The following FAF1 variants were observed in gnomAD, a reference collection of about 807,000 sequenced individuals.
FAF1 encodes FAS-associated factor 1.
A neutral mutation model predicts 92.5 loss-of-function variants in FAF1; 25 were observed. That is an observed-to-expected ratio of 0.27 (90% CI 0.20 to 0.38). The LOEUF (loss-of-function observed/expected upper bound fraction) is 0.38, where lower values mean the gene tolerates loss of function less well. Ranked by LOEUF, FAF1 falls within the 10% of genes least tolerant of loss-of-function variation. FAF1 has a pLI of 1.00. For synonymous variants in FAF1, 234 were observed against 273.2 expected, an observed-to-expected ratio of 0.86 and a Z score of 1.42; for missense variants, 636 against 793.3, an observed-to-expected ratio of 0.80 and a Z score of 2.38.
chr1:50,771,472 CT>C (rs1346172154), intron 4 of FAF1, among the ~76,000 whole-genome samples: 1 of 152,170 alleles, frequency 6.6e-6, no homozygotes, highest in Non-Finnish European at 1.5e-5. Context: ...CGATCAGATA[CT>C]TTTTGAAAGA....
intron 1 of FAF1, among the ~76,000 whole-genome samples, chr1:50,897,038 T>C (rs536138124): frequency 6.6e-6 from 1 of 152,278 alleles, no homozygotes; most frequent in South Asian, 2.1e-4. Flanking sequence ...TTTCAACACA[T>C]TTCAACACAA....
intron 7 of FAF1, among the ~76,000 whole-genome samples, chr1:50,672,703 ATACT>A (rs1374157870): frequency 2.6e-5 from 4 of 152,248 alleles, no homozygotes; most frequent in African/African-American, 7.2e-5. Context: ...GATAAACTAG[ATACT>A]TACATGCTTC....
At chr1:50,481,524 A>G (rs901453693) in intron 17 of FAF1, among the ~76,000 whole-genome samples, 1 of 152,242 alleles carries the variant, frequency 6.6e-6, no homozygotes, top group African/African-American at 2.4e-5. Context: ...GTTATACCAT[A>G]TAATAGCCTA....
chr1:50,678,598 G>A (rs1026430610), intron 7 of FAF1, among the ~76,000 whole-genome samples: 4 of 151,488 alleles, frequency 2.6e-5, no homozygotes, highest in African/African-American at 7.3e-5. Flanking sequence ...TGGCCAACAC[G>A]GTGAAACCCC....
At chr1:50,949,936 C>T (rs912400963) in intron 1 of FAF1, among the ~76,000 whole-genome samples, 17 of 152,100 alleles carry the variant, frequency 1.1e-4, no homozygotes, top group Non-Finnish European at 2.5e-4. Flanking sequence ...ATCATATCCT[C>T]TTACCTCAGC....
chr1:50,504,802 T>G (rs1473899039), intron 15 of FAF1, among the ~76,000 whole-genome samples: 1 of 152,214 alleles, frequency 6.6e-6, no homozygotes, highest in African/African-American at 2.4e-5. Flanking sequence ...ATGACTAGGT[T>G]ATAGTAATAG....
Position 50,514,929 on chromosome 1 carries a change from T to C in FAF1, c.1494+20440A>G, listed in dbSNP as rs1419587303. On this transcript the variant is annotated intron_variant, in intron 15 of 18. Transcript: ENST00000396153. ...GAGCCTGTACATTTTTCAAGAACGA[T>C]GCCTCAGTTTAGATCCGGTCATCAC... Among the ~76,000 whole-genome samples the C allele has an allele frequency of 2.0e-5, 3 of 152,170 alleles. No homozygotes were observed. The East Asian group carries it at 5.8e-4, about 29-fold the overall frequency.
At chr1:50,846,025 G>A (rs1223048704) in intron 2 of FAF1, among the ~76,000 whole-genome samples, 1 of 152,058 alleles carries the variant, frequency 6.6e-6, no homozygotes, top group Non-Finnish European at 1.5e-5. Context: ...TCAGGAGGCT[G>A]AGGTAGGAGA....
At chr1:50,534,159 A>C (rs1279547433) in intron 15 of FAF1, among the ~76,000 whole-genome samples, 1 of 152,154 alleles carries the variant, frequency 6.6e-6, no homozygotes, top group Admixed American at 6.5e-5. Flanking sequence ...CCTCTCTATT[A>C]GGCCACCAAG....
chr1:50,848,015 GAAGA>G (rs1224457689), intron 2 of FAF1, among the ~76,000 whole-genome samples: 1 of 151,906 alleles, frequency 6.6e-6, no homozygotes, highest in East Asian at 1.9e-4. Context: ...TTTCAAAAAT[GAAGA>G]AATAAAAACT....
At chr1:50,743,771 G>A (rs548847138) in intron 5 of FAF1, among the ~76,000 whole-genome samples, 1 of 151,390 alleles carries the variant, frequency 6.6e-6, no homozygotes, top group African/African-American at 2.4e-5. Flanking sequence ...ACTCTCTCTG[G>A]AAGAAAAAAA....
chr1:50,554,382 T>TAGAGAGAGAG (rs541317145), intron 13 of FAF1, among the ~76,000 whole-genome samples: 2 of 99,044 alleles, frequency 2.0e-5, no homozygotes, highest in African/African-American at 9.8e-5. Context: ...TATATATATA[T>TAGAGAGAGAG]ATATATATAG....
At chr1:50,682,321 G>C (rs1406404335) in intron 7 of FAF1, among the ~76,000 whole-genome samples, 1 of 151,912 alleles carries the variant, frequency 6.6e-6, no homozygotes, top group Non-Finnish European at 1.5e-5. Flanking sequence ...GCAACACAGG[G>C]AGACCCTGTC....
chr1:50,662,576 C>A (rs770755302), intron 7 of FAF1, among the ~76,000 whole-genome samples: 4 of 150,778 alleles, frequency 2.7e-5, no homozygotes, highest in Non-Finnish European at 5.9e-5. Context: ...TTGATAATTT[C>A]CTATACTAAA....
At chr1:50,475,245 C>G (rs1466193732) in intron 18 of FAF1, among the ~76,000 whole-genome samples, 2 of 152,124 alleles carry the variant, frequency 1.3e-5, no homozygotes, top group Non-Finnish European at 2.9e-5. Context: ...GATCTAGTAC[C>G]TAATTTCTTA....
At chr1:50,458,642 C>T (rs1057501557) in intron 18 of FAF1, among the ~76,000 whole-genome samples, 4 of 152,190 alleles carry the variant, frequency 2.6e-5, no homozygotes, top group Non-Finnish European at 5.9e-5. Flanking sequence ...TCTGGTCAGA[C>T]GCATACAATG....
chr1:50,713,763 A>G (rs1045175048), intron 6 of FAF1, among the ~76,000 whole-genome samples: 88 of 150,356 alleles, frequency 5.9e-4, no homozygotes, highest in Non-Finnish European at 9.9e-4. Context: ...GCGCCTGGCA[A>G]ATGTAAAAGC....
At position 50,573,015 on chromosome 1, in the gene FAF1, AAGT is replaced by A. The variant is rs955437724; in HGVS notation, c.1114-5787_1114-5785del. On this transcript the variant is annotated intron_variant, in intron 12 of 18. Coordinates refer to ENST00000396153, the MANE Select transcript of FAF1 (RefSeq NM_007051.3). ...AGGTGATACTTGAGCTGAATTTTAA[AAGT>A]AGGACATCAATGCTATAAGTAGAAA... Among the ~76,000 whole-genome samples the A allele has an allele frequency of 7.6e-4, 115 of 152,186 alleles. 1 individual carries two copies. The highest frequency in any genetic ancestry group is 2.7e-3 in the African/African-American group (111 of 41,514).
chr1:50,623,575 G>GA (rs1225232060), intron 8 of FAF1, among the ~76,000 whole-genome samples: 154 of 131,538 alleles, frequency 1.2e-3, no homozygotes, highest in Middle Eastern at 4.0e-3. Flanking sequence ...ACTCTGTCTT[G>GA]AAAAAAAAAA....
Sources: allele counts gnomAD v4.1 joint callset (sites outside exome capture counted in the v4.1 genomes callset), GRCh38; gene constraint gnomAD v4.1.1; transcripts MANE v1.5; gene names NCBI Gene and HGNC (gene_info 2026-07-23, HGNC 2026-07-21).